The following TBC1D8B variants were observed in gnomAD, a reference collection of about 807,000 sequenced individuals.
TBC1D8B encodes the protein RP11-321G1.1.
Under a neutral mutation model 82.9 loss-of-function variants are expected in TBC1D8B, and 75 were observed. The observed-to-expected ratio is 0.90, with a 90% CI of 0.75 to 1.10. The LOEUF is 1.10. Ranked by LOEUF, TBC1D8B falls within the 50% of genes least tolerant of loss-of-function variation. The pLI, the probability that TBC1D8B is intolerant of heterozygous loss-of-function variation, is 0.00. For synonymous variants in TBC1D8B, 276 were observed against 276.8 expected (o/e 1.00, Z 0.03); for missense variants, 794 against 796.9 (o/e 1.00, Z 0.04).
chrX:106,862,776 G>GTTTTTTTTTGTTTTTTTTTTTTT (rs1932785532), intron 14 of TBC1D8B, among the ~76,000 whole-genome samples: 1 of 37,298 alleles, frequency 2.7e-5, no homozygotes, highest in African/African-American at 1.2e-4. Flanking sequence ...GTTTTTTTTT[G>GTTTTTTTTTGTTTTTTTTTTTTT]TTTTTTTTTT....
intron 17 of TBC1D8B, among the ~76,000 whole-genome samples, chrX:106,868,143 AG>A (rs1370696278): frequency 9.1e-6 from 1 of 110,435 alleles, no homozygotes; most frequent in Non-Finnish European, 1.9e-5. Context: ...AAAAACAAGT[AG>A]GAAAAAAATA....
intron 7 of TBC1D8B, among the ~76,000 whole-genome samples, chrX:106,830,948 T>G (rs1280697886): frequency 9.5e-6 from 1 of 104,890 alleles, no homozygotes; most frequent in Non-Finnish European, 1.9e-5. Flanking sequence ...AGTATAATAA[T>G]AATAAATAAA....
Position 106,802,686 on chromosome X carries a change from C to A in TBC1D8B, c.-168C>A. Reference sequence around the variant, plus strand: ...TGGGAGGGAATTGGCAATCTCTCTGCCTACGTGGGAGAGAAGGGAGGGTTG... The same window carrying A: ...TGGGAGGGAATTGGCAATCTCTCTGACTACGTGGGAGAGAAGGGAGGGTTG... On this transcript the variant is annotated 5_prime_UTR_variant, in exon 1 of 21. Coordinates refer to ENST00000357242, the MANE Select transcript of TBC1D8B (RefSeq NM_017752.3). The A allele has an allele frequency of 1.5e-6, 1 of 650,469 alleles. No individual in the cohort carries two copies. The allele number at this position is 650,469 out of a possible 1,213,427, so 53.6% of individuals were successfully genotyped here. A position where few individuals can be genotyped will look rare whatever the true frequency, so the allele number is the denominator to read the frequency against.
chrX:106,833,888 G>T (rs1375682713), intron 7 of TBC1D8B, among the ~76,000 whole-genome samples: 1 of 109,911 alleles, frequency 9.1e-6, no homozygotes, highest in African/African-American at 3.3e-5. Flanking sequence ...ACCTGTATTT[G>T]CAAAAATGTA....
intron 12 of TBC1D8B, among the ~76,000 whole-genome samples, chrX:106,850,895 T>A (rs777922105): frequency 3.6e-5 from 4 of 112,121 alleles, no homozygotes; most frequent in Non-Finnish European, 5.6e-5. Flanking sequence ...CATTCAGAAC[T>A]CTGTGGTAAG....
chrX:106,827,541 T>C (rs1176157263), intron 7 of TBC1D8B: 7 of 367,295 alleles, frequency 1.9e-5, no homozygotes, highest in African/African-American at 1.6e-4. Context: ...TAGGAACCCA[T>C]ACATTATAAA....
chrX:106,850,194 T>C lies in TBC1D8B; in HGVS notation c.2007T>C (p.Cys669=). The C allele has an allele frequency of 1.7e-6, 2 of 1,211,726 alleles. No individual in the cohort carries two copies. Among genetic ancestry groups the C allele is most frequent in the Non-Finnish European group, 2.2e-6 (2 of 895,526 alleles). ...PIESAVNVVD[C]FFYDGIKAIL... is the part of the protein sequence containing the mutation. Reference sequence around the variant, plus strand: ...AAAGTGCAGTGAATGTGGTGGACTGTTTCTTCTATGATGGAATAAAGGCCA... The same window carrying C: ...AAAGTGCAGTGAATGTGGTGGACTGCTTCTTCTATGATGGAATAAAGGCCA... The change falls in exon 12 of 21, where the codon TGT becomes TGC. Residue 669 remains cysteine, a synonymous_variant. Coordinates refer to ENST00000357242, the MANE Select transcript of TBC1D8B (RefSeq NM_017752.3).
chrX:106,870,894 G>A, intron 20 of TBC1D8B, 81 bp downstream of exon 20: 4 of 579,413 alleles, frequency 6.9e-6, no homozygotes, highest in Non-Finnish European at 1.1e-5. Context: ...TAGCTAACAT[G>A]CTATTCCCAA....
intron 10 of TBC1D8B, among the ~76,000 whole-genome samples, chrX:106,844,482 T>TATATATATATAAACATATATATATAAAC (rs200115947): frequency 2.9e-5 from 3 of 103,984 alleles, no homozygotes; most frequent in Non-Finnish European, 5.8e-5. Context: ...TTTCCATATA[T>TATATATATATAAACATATATATATAAAC]ATATATATAT....
At chrX:106,838,410 G>T (rs1215190993) in intron 7 of TBC1D8B, among the ~76,000 whole-genome samples, 3 of 111,235 alleles carry the variant, frequency 2.7e-5, no homozygotes, top group African/African-American at 6.5e-5. Context: ...TTTTCTCAAG[G>T]ATATCTGTGT....
In TBC1D8B at chrX:106,854,302, T is replaced by C; in HGVS notation, c.2352+6T>C. On this transcript the variant is annotated splice_donor_region_variant and intron_variant, in intron 14 of 20. Transcript: ENST00000357242. ...AAACAACAAAACAGAATGTGGTAAG[T>C]ATGCAACCAATGAGGAAAAACCAGT... is the stretch of plus-strand genomic sequence containing the variant. 1 of 1,128,912 alleles carries C rather than the reference T, an allele frequency of 8.9e-7. No homozygotes were observed. Among genetic ancestry groups the C allele is most frequent in the Non-Finnish European group, 1.2e-6 (1 of 848,142 alleles). The allele number at this position is 1,128,912 out of a possible 1,213,427, so 93.0% of individuals were successfully genotyped here. A position where few individuals can be genotyped will look rare whatever the true frequency, so the allele number is the denominator to read the frequency against.
intron 10 of TBC1D8B, among the ~76,000 whole-genome samples, chrX:106,846,095 CT>C (rs763406306): frequency 0.013 from 927 of 72,226 alleles, 13 homozygotes; most frequent in African/African-American, 0.035. Context: ...CTCTCTCTCT[CT>C]TTTTTTTTTT....
chrX:106,822,426 G>C (rs994663838), intron 4 of TBC1D8B, among the ~76,000 whole-genome samples: 6 of 111,506 alleles, frequency 5.4e-5, no homozygotes, highest in African/African-American at 2.0e-4. Context: ...TGGGAAGTGA[G>C]TCAGTATTAA....
chrX:106,837,632 C>G (rs190575580), intron 7 of TBC1D8B, among the ~76,000 whole-genome samples: 1 of 111,411 alleles, frequency 9.0e-6, no homozygotes, highest in Non-Finnish European at 1.9e-5. Flanking sequence ...TACTTTCTGT[C>G]CTCTAATAAC....
intron 1 of TBC1D8B, chrX:106,815,400 A>T (rs753396396): frequency 1.8e-5 from 2 of 110,416 alleles, no homozygotes; most frequent in Non-Finnish European, 3.8e-5. Context: ...TGTTCCATTG[A>T]TCTATATCTC....
intron 1 of TBC1D8B, chrX:106,818,425 A>T (rs1305149971): frequency 1.1e-5 from 3 of 274,274 alleles, no homozygotes; most frequent in Non-Finnish European, 1.9e-5. Flanking sequence ...TGAGATTTGG[A>T]CAATTGAAGC....
intron 7 of TBC1D8B, among the ~76,000 whole-genome samples, chrX:106,830,527 C>A (rs376770684): frequency 1.8e-5 from 2 of 110,576 alleles, no homozygotes; most frequent in East Asian, 2.9e-4. Context: ...TCACAATAGC[C>A]AAGACTTGGA....
intron 1 of TBC1D8B, among the ~76,000 whole-genome samples, chrX:106,810,432 G>A (rs1419745531): frequency 8.9e-6 from 1 of 111,809 alleles, no homozygotes; most frequent in Non-Finnish European, 1.9e-5. Flanking sequence ...AATGCACTTA[G>A]CGACTAGAAA....
chrX:106,827,102 C>A, intron 6 of TBC1D8B, 68 bp from the exon 7 acceptor site: 1 of 1,132,346 alleles, frequency 8.8e-7, no homozygotes, highest in Non-Finnish European at 1.2e-6. Flanking sequence ...GTAAGCCAAA[C>A]ACATTTTACT....
Sources: allele counts gnomAD v4.1 joint callset (sites outside exome capture counted in the v4.1 genomes callset), GRCh38; gene constraint gnomAD v4.1.1; transcripts MANE v1.5; gene names NCBI Gene and HGNC (gene_info 2026-07-23, HGNC 2026-07-21).